The following HIVEP2 variants were observed in gnomAD, a reference collection of about 807,000 sequenced individuals.
The protein encoded by HIVEP2 is transcription factor HIVEP2.
In HIVEP2, 14 loss-of-function variants were observed where a neutral mutation model predicts 180.7. That is an observed-to-expected ratio of 0.08 (90% CI 0.05 to 0.12). HIVEP2 has a LOEUF of 0.12. Among genes scored for constraint, HIVEP2 ranks in the 10% least tolerant of loss-of-function variants. HIVEP2 has a pLI of 1.00. For missense variants in HIVEP2, 2,579 were observed against 3,008.5 expected, an observed-to-expected ratio of 0.86 and a Z score of 3.34; for synonymous variants, 1,184 against 1,136.4, an observed-to-expected ratio of 1.04 and a Z score of -0.84.
At position 142,774,413 on chromosome 6, in the gene HIVEP2, A is replaced by T; in HGVS notation, c.326T>A (p.Val109Asp). The T allele has an allele frequency of 2.5e-6, 4 of 1,613,842 alleles. No individual in the cohort carries two copies. The highest frequency in any genetic ancestry group is 3.4e-6 in the Non-Finnish European group (4 of 1,179,964). ...CTGATGTGGCTTGGTGCTGTGCATG[A>T]CCCCCTGTGGCAATGAGTGCTGAGG... ...SFPQHSLPQG[V>D]MHSTKPHQSL... Residue 109 changes from valine (V) to aspartate (D), a missense_variant, in exon 5 of 10, where the codon GTC becomes GAC. Val to Asp is a radical substitution (Grantham distance 152). Coordinates refer to ENST00000367603, the MANE Select transcript of HIVEP2 (RefSeq NM_006734.4). The surrounding 1 kb of genome is among the most constrained non-coding windows in gnomAD (Gnocchi z 5.1).
At chr6:142,852,672 A>G (rs1456180567) in intron 1 of HIVEP2, among the ~76,000 whole-genome samples, 1 of 152,236 alleles carries the variant, frequency 6.6e-6, no homozygotes, top group Non-Finnish European at 1.5e-5. Context: ...AAAACTCATC[A>G]GCATAGATGT....
intron 1 of HIVEP2, among the ~76,000 whole-genome samples, chr6:142,888,122 C>T (rs1481928585): frequency 1.3e-5 from 2 of 152,110 alleles, no homozygotes; most frequent in Non-Finnish European, 2.9e-5. Context: ...TATCCTACGC[C>T]CAGTCAAGGA....
Position 142,772,258 on chromosome 6 carries a change from C to T in HIVEP2, c.2481G>A (p.Gln827=). 1 of 1,614,240 alleles carries T rather than the reference C, an allele frequency of 6.2e-7. No individual in the cohort carries two copies. Among genetic ancestry groups the T allele is most frequent in the Non-Finnish European group, 8.5e-7 (1 of 1,180,052 alleles). The part of the protein sequence containing the change: ...SESAELVACT[Q]DKAPSPSETC... ...TCTCTGAAGGGGAAGGGGCTTTATC[C>T]TGTGTGCAAGCCACAAGTTCGGCTG... The change falls in exon 5 of 10, where the codon CAG becomes CAA. Residue 827 remains glutamine (Q), a synonymous_variant. Transcript: ENST00000367603. The surrounding 1 kb of genome is among the most constrained non-coding windows in gnomAD (Gnocchi z 4.9).
At chr6:142,927,074 CCCGG>C (rs1422906558) in intron 1 of HIVEP2, among the ~76,000 whole-genome samples, 5 of 151,764 alleles carry the variant, frequency 3.3e-5, no homozygotes, top group African/African-American at 7.2e-5. Flanking sequence ...CGCCTCCGTC[CCCGG>C]CCGGCCCAGC....
intron 1 of HIVEP2, among the ~76,000 whole-genome samples, chr6:142,874,482 T>C (rs1776375805): frequency 6.6e-6 from 1 of 152,120 alleles, no homozygotes; most frequent in Admixed American, 6.6e-5. Flanking sequence ...CACACCCTTA[T>C]TGAATTATAA....
Position 142,773,355 on chromosome 6 carries a change from C to A in HIVEP2, c.1384G>T (p.Val462Phe), listed in dbSNP as rs763622728. Residue 462 changes from valine to phenylalanine, a missense_variant, in exon 5 of 10, where the codon GTT becomes TTT. This residue lies in a region of HIVEP2 where 524 missense variants were observed against 563.6 expected (regional missense o/e 0.93). Transcript: ENST00000367603. ...RKGIMEPLPH[V>F]NTRLDVKMFE... ...ATCTTGACATCTAACCTGGTGTTAA[C>A]GTGAGGTAATGGTTCCATTATGCCC... The A allele has an allele frequency of 6.2e-7, 1 of 1,614,168 alleles. No homozygotes were observed.
At chr6:142,923,489 T>C (rs974805920) in intron 1 of HIVEP2, among the ~76,000 whole-genome samples, 5 of 152,190 alleles carry the variant, frequency 3.3e-5, no homozygotes, top group African/African-American at 9.7e-5. Flanking sequence ...CAAGAGGATA[T>C]ATTGAACACT....
At chr6:142,902,917 T>C (rs185727349) in intron 1 of HIVEP2, among the ~76,000 whole-genome samples, 19 of 152,208 alleles carry the variant, frequency 1.2e-4, no homozygotes, top group African/African-American at 4.1e-4. Context: ...ATGATAAACA[T>C]TTGTGATGAA....
chr6:142,850,075 G>A (rs760209352), intron 1 of HIVEP2, among the ~76,000 whole-genome samples: 9 of 152,264 alleles, frequency 5.9e-5, no homozygotes, highest in East Asian at 5.8e-4. Context: ...AATGTTCCTC[G>A]TGAAAGCAGG....
rs1278294545 is a variant in HIVEP2 at position 142,844,740 on chromosome 6, CA to C, written c.-640-7694del. Reference sequence around the variant, plus strand: ...CAAGATCCTAGTATTCAGGATGTACCAACAGAGTCACCTTCCCTCCCGTCAA... The same window carrying C: ...CAAGATCCTAGTATTCAGGATGTACCACAGAGTCACCTTCCCTCCCGTCAA... On this transcript the variant is annotated intron_variant, in intron 1 of 9. Coordinates refer to ENST00000367603, the MANE Select transcript of HIVEP2 (RefSeq NM_006734.4). Among the ~76,000 whole-genome samples, 5 of 152,202 alleles carry C rather than the reference CA, an allele frequency of 3.3e-5. 1 individual carries two copies. In the East Asian group the frequency reaches 9.6e-4, roughly 29 times the overall value.
chr6:142,890,270 A>G (rs1289357729), intron 1 of HIVEP2, among the ~76,000 whole-genome samples: 1 of 152,236 alleles, frequency 6.6e-6, no homozygotes, highest in Non-Finnish European at 1.5e-5. Context: ...TGAGAAGATC[A>G]GATAACAGAG....
intron 1 of HIVEP2, among the ~76,000 whole-genome samples, chr6:142,906,555 T>C (rs985562944): frequency 1.3e-5 from 2 of 151,978 alleles, no homozygotes; most frequent in African/African-American, 4.8e-5. Context: ...GGGAAGCAAT[T>C]TGAAAATGAG....
chr6:142,832,638 A>G (rs1320742993), intron 2 of HIVEP2, among the ~76,000 whole-genome samples: 2 of 152,214 alleles, frequency 1.3e-5, no homozygotes, highest in African/African-American at 4.8e-5. Flanking sequence ...TATCAGATTC[A>G]AACATAAAAT....
chr6:142,824,392 C>T (rs956562603), intron 2 of HIVEP2, among the ~76,000 whole-genome samples: 3 of 152,146 alleles, frequency 2.0e-5, no homozygotes, highest in African/African-American at 7.2e-5. Flanking sequence ...AAATCCACAA[C>T]GTGAACTGGT....
intron 1 of HIVEP2, among the ~76,000 whole-genome samples, chr6:142,884,931 A>G: frequency 6.6e-6 from 1 of 151,672 alleles, no homozygotes; most frequent in East Asian, 2.0e-4. Context: ...TGCTGATAAG[A>G]GGTGCACGTT....
rs9376714 is a variant in HIVEP2 at position 142,898,003 on chromosome 6, G to A, written c.-641+47096C>T. Among the ~76,000 whole-genome samples the A allele has an allele frequency of 8.5e-3, 1,300 of 152,202 alleles. 83 individuals are homozygous for A. The East Asian group carries it at 0.17, about 20-fold the overall frequency. On this transcript the variant is annotated intron_variant, in intron 1 of 9. Coordinates refer to ENST00000367603, the MANE Select transcript of HIVEP2 (RefSeq NM_006734.4). ...AACAAATGATTCTGGATGAGTGAAC[G>A]AGCATGGCACCTCAGCCCCACTGAT...
chr6:142,806,107 C>T (rs548223272), intron 2 of HIVEP2, among the ~76,000 whole-genome samples: 153 of 152,260 alleles, frequency 1.0e-3, no homozygotes, highest in African/African-American at 3.5e-3. Flanking sequence ...TATTACTGTA[C>T]CTACTGGGTT....
At chr6:142,756,168 G>A (rs375425477) in intron 9 of HIVEP2, among the ~76,000 whole-genome samples, 34 of 152,286 alleles carry the variant, frequency 2.2e-4, no homozygotes, top group African/African-American at 7.7e-4. Context: ...TATACGCCAT[G>A]TACCAGATCT....
At chr6:142,940,232 T>G (rs1778143896) in intron 1 of HIVEP2, among the ~76,000 whole-genome samples, 1 of 152,252 alleles carries the variant, frequency 6.6e-6, no homozygotes, top group Admixed American at 6.5e-5. Context: ...CTGGCTATTT[T>G]TGTTAACTGG....
Sources: gnomAD v4.1 joint callset for allele counts (sites outside exome capture counted in the v4.1 genomes callset) on GRCh38, gnomAD v4.1.1 for gene constraint, gnomAD v4.1.1 regional missense constraint, Gnocchi (gnomAD v3.1) non-coding constraint, MANE v1.5 for transcripts, NCBI Gene and HGNC (gene_info 2026-07-23, HGNC 2026-07-21) for gene names.